F8: variants seen among roughly 807,000 people sequenced by gnomAD.
F8 encodes the protein coagulation factor VIII.
F8 carries 12 observed loss-of-function variants against 140.6 expected under a neutral mutation model. The observed-to-expected ratio is 0.09, with a 90% CI of 0.05 to 0.14. The LOEUF (loss-of-function observed/expected upper bound fraction) is 0.14. Among genes scored for constraint, F8 ranks in the 10% least tolerant of loss-of-function variants. The probability of loss-of-function intolerance (pLI) is 1.00; values close to 1 mark genes in which losing one functional copy is unlikely to be tolerated. For missense variants in F8, 1,354 were observed against 1,720.7 expected (o/e 0.79, Z 3.77); for synonymous variants, 585 against 614.6 (o/e 0.95, Z 0.71).
intron 22 of F8, among the ~76,000 whole-genome samples, chrX:154,874,924 T>C (rs1291963915): frequency 8.9e-6 from 1 of 112,054 alleles, no homozygotes; most frequent in African/African-American, 3.2e-5. Context: ...GTATTCACAA[T>C]AGTCAAGATA....
At chrX:154,875,147 T>C (rs1275001553) in intron 22 of F8, among the ~76,000 whole-genome samples, 1 of 111,817 alleles carries the variant, frequency 8.9e-6, no homozygotes, top group African/African-American at 3.3e-5. Context: ...CATGACCTCA[T>C]ATGTGGAATC....
rs1175123787 is a variant in F8 at position 154,950,823 on chromosome X, G to A, written c.1904-2916C>T. Among the ~76,000 whole-genome samples, 5 of 111,915 alleles carry A rather than the reference G, an allele frequency of 4.5e-5. No homozygotes were observed. The South Asian group carries it at 1.1e-3, about 25-fold the overall frequency. ...GACCTGTAAAGTTTCTGCCTTATTG[G>A]AATTTCCTTGTATGTGGTTTGCTTC... On this transcript the variant is annotated intron_variant, in intron 12 of 25. Transcript: ENST00000360256.
chrX:154,933,113 T>A (rs1371385078), intron 13 of F8, among the ~76,000 whole-genome samples: 2 of 111,979 alleles, frequency 1.8e-5, no homozygotes, highest in Non-Finnish European at 3.8e-5. Context: ...TTGTATTGTA[T>A]GTGTGACTAA....
chrX:154,965,853 T>C (rs1236250897), intron 9 of F8, 117 bp downstream of exon 9: 3 of 691,165 alleles, frequency 4.3e-6, no homozygotes, highest in Non-Finnish European at 6.7e-6. Context: ...GTAACATTTA[T>C]AGCTTTTAAA....
At chrX:154,974,671 G>A (rs2073475481) in intron 6 of F8, among the ~76,000 whole-genome samples, 1 of 111,925 alleles carries the variant, frequency 8.9e-6, no homozygotes, top group African/African-American at 3.2e-5. Context: ...ATTGGTATTA[G>A]TTCTTTAGAT....
At chrX:154,863,830 A>G (rs1241359694) in intron 22 of F8, among the ~76,000 whole-genome samples, 1 of 110,618 alleles carries the variant, frequency 9.0e-6, no homozygotes, top group Non-Finnish European at 1.9e-5. Flanking sequence ...GCAGCCCACC[A>G]CCCTGGGGAC....
rs2073194761 is a variant in F8, at chrX:154,931,057, G to T, written c.2733C>A (p.Asp911Glu). The T allele has an allele frequency of 1.7e-6, 2 of 1,198,565 alleles. No individual in the cohort carries two copies. The highest frequency in any genetic ancestry group is 2.2e-6 in the Non-Finnish European group (2 of 888,988). ...TATTATCAGTACCTGCTGCCAAATT[G>T]TCTGATGGAATTGTTGAAATCAGAT... The part of the protein sequence containing the change: ...SNNLISTIPS[D>E]NLAAGTDNTS... The change falls in exon 14 of 26, where the codon GAC (aspartate) becomes GAA (glutamate). Residue 911 changes from aspartate to glutamate, a missense_variant. Physicochemically the swap from Asp to Glu is conservative, Grantham distance 45. Transcript: ENST00000360256.
Position 154,902,272 on chromosome X carries a change from A to G in F8, c.5999-105T>C. 1.1e-5 allele frequency: 7 copies of G among 614,500 alleles called. No homozygotes were observed. In the East Asian group the frequency reaches 2.3e-4, roughly 20 times the overall value. 50.6% of individuals were successfully genotyped at this position (614,500 alleles called of 1,213,427 possible). ...TCAGAGTAGACCTACCAAATTTGGTAGTTCCACTACTTTTGGACCCCTCAA... is the reference window on the plus strand; with the variant it reads ...TCAGAGTAGACCTACCAAATTTGGTGGTTCCACTACTTTTGGACCCCTCAA... On this transcript the variant is annotated intron_variant, in intron 18 of 25. Transcript: ENST00000360256.
intron 6 of F8, among the ~76,000 whole-genome samples, chrX:154,978,919 AG>A (rs2073502240): frequency 9.1e-6 from 1 of 110,408 alleles, no homozygotes; most frequent in Non-Finnish European, 1.9e-5. Context: ...GCTGTGGTGA[AG>A]TTTTTCTGAG....
rs2073411556 is a variant in F8 at position 154,964,115 on chromosome X, A to G, written c.1443+1855T>C. ...CACACACATACACACACACATTTGTACATGTATGCACTACTTCTGGAGGGG... is the reference window on the plus strand; with the variant it reads ...CACACACATACACACACACATTTGTGCATGTATGCACTACTTCTGGAGGGG... On this transcript the variant is annotated intron_variant, in intron 9 of 25. Coordinates refer to ENST00000360256, the MANE Select transcript of F8 (RefSeq NM_000132.4). Among the ~76,000 whole-genome samples the G allele has an allele frequency of 2.7e-5, 3 of 112,168 alleles. No homozygotes were observed. In the Admixed American group the frequency reaches 2.8e-4, roughly 11 times the overall value.
intron 9 of F8, among the ~76,000 whole-genome samples, chrX:154,962,893 CGAGA>C (rs141726799): frequency 0.011 from 1,048 of 95,795 alleles, 16 homozygotes; most frequent in African/African-American, 0.038. Flanking sequence ...GAGACAGAGA[CGAGA>C]GAGAGAGAGA....
intron 25 of F8, among the ~76,000 whole-genome samples, chrX:154,838,216 T>C (rs186767758): frequency 8.9e-6 from 1 of 112,210 alleles, no homozygotes; most frequent in Non-Finnish European, 1.9e-5. Flanking sequence ...CAGCAAGGCA[T>C]GCAATTTAGT....
At chrX:154,895,868 C>T (rs1557275579) in intron 22 of F8, among the ~76,000 whole-genome samples, 1 of 112,185 alleles carries the variant, frequency 8.9e-6, no homozygotes, top group Non-Finnish European at 1.9e-5. Flanking sequence ...ATATTTCTAT[C>T]AATACAGCAT....
chrX:154,999,217 A>G (rs2073633923), intron 2 of F8, among the ~76,000 whole-genome samples: 1 of 110,342 alleles, frequency 9.1e-6, no homozygotes. Flanking sequence ...ATTCTAAGAC[A>G]GAAAATGTCC....
At position 154,921,500 on chromosome X, in the gene F8, G is replaced by A. The variant is rs1227059938; in HGVS notation, c.5219+7071C>T. Among the ~76,000 whole-genome samples the A allele has an allele frequency of 1.2e-3, 132 of 111,850 alleles. 3 individuals carry two copies. The highest frequency in any genetic ancestry group is 6.7e-3 in the Admixed American group (71 of 10,542). On this transcript the variant is annotated intron_variant, in intron 14 of 25. Coordinates refer to ENST00000360256, the MANE Select transcript of F8 (RefSeq NM_000132.4). The stretch of plus-strand genomic sequence containing the variant: ...TCCTCAGGGATCTAGAACTAGAAAT[G>A]CCATTTGACCCAGCCATCCCATTAC...
intron 22 of F8, among the ~76,000 whole-genome samples, chrX:154,874,685 C>T (rs1239521126): frequency 3.6e-5 from 4 of 111,850 alleles, no homozygotes; most frequent in Non-Finnish European, 7.5e-5. Context: ...TAGCTATTAT[C>T]AAAAAGACAA....
chrX:155,022,342 C>A (rs1569560118), intron 1 of F8, 68 bp downstream of exon 1: 1 of 1,109,985 alleles, frequency 9.0e-7, no homozygotes, highest in East Asian at 3.0e-5. Context: ...ATGTCTGCAC[C>A]TTCCTCCAAG....
chrX:154,891,964 A>G (rs1329455028), intron 22 of F8, among the ~76,000 whole-genome samples: 2 of 111,794 alleles, frequency 1.8e-5, no homozygotes, highest in Non-Finnish European at 3.8e-5. Context: ...CAAAAGAGGG[A>G]TGACTGCTTC....
intron 1 of F8, among the ~76,000 whole-genome samples, chrX:155,002,778 G>A (rs1557285720): frequency 2.7e-5 from 3 of 111,684 alleles, no homozygotes; most frequent in Non-Finnish European, 5.6e-5. Flanking sequence ...TTAATTTTTA[G>A]AGAAACTGCC....
Sources: gnomAD v4.1 joint callset for allele counts (sites outside exome capture counted in the v4.1 genomes callset) on GRCh38, gnomAD v4.1.1 for gene constraint, MANE v1.5 for transcripts, NCBI Gene and HGNC (gene_info 2026-07-23, HGNC 2026-07-21) for gene names.